PNPLA3: variants seen among roughly 807,000 people sequenced by gnomAD.
PNPLA3 encodes the protein patatin like domain 3, 1-acylglycerol-3-phosphate O-acyltransferase, also known as 1-acylglycerol-3-phosphate O-acyltransferase PNPLA3.
A neutral mutation model predicts 43.1 loss-of-function variants in PNPLA3; 42 were observed. The observed-to-expected ratio is 0.97, with a 90% confidence interval of 0.76 to 1.26. PNPLA3 has a LOEUF of 1.26. Ranked by LOEUF, PNPLA3 falls within the 50% of genes most tolerant of loss-of-function variation. PNPLA3 has a pLI of 0.00. For missense variants in PNPLA3, 647 were observed against 621.4 expected (o/e 1.04, Z -0.44); for synonymous variants, 272 against 253.6 (o/e 1.07, Z -0.69).
intron 3 of PNPLA3, among the ~76,000 whole-genome samples, chr22:43,931,114 G>A (rs1250753508): frequency 6.6e-6 from 1 of 152,080 alleles, no homozygotes; most frequent in South Asian, 2.1e-4. Flanking sequence ...GCAACAAAGC[G>A]AGACTCCGTC....
chr22:43,940,744 G>A (rs576958896), intron 7 of PNPLA3, among the ~76,000 whole-genome samples: 23 of 152,302 alleles, frequency 1.5e-4, no homozygotes, highest in Admixed American at 1.3e-3. Context: ...GGGAGGCAGA[G>A]GTTGTAGTGA....
chr22:43,939,889 T>G (rs1381994965), intron 6 of PNPLA3, 104 bp from the exon 7 acceptor site: 1 of 1,542,142 alleles, frequency 6.5e-7, no homozygotes, highest in Non-Finnish European at 8.9e-7. Flanking sequence ...ACCCTTTGGC[T>G]GCCAGGACGG....
chr22:43,932,863 C>T lies in PNPLA3; in HGVS notation c.487-15C>T, dbSNP rs2049970278. 1 of 1,610,874 alleles carries T rather than the reference C, an allele frequency of 6.2e-7. No individual in the cohort carries two copies. The highest frequency in any genetic ancestry group is 1.1e-5 in the South Asian group (1 of 91,018). ...GCTTCAGACAGTGCCAGTCCTTTTT[C>T]CCCTTCTTTAAAAGCGATATGTGGA... On this transcript the variant is annotated splice_polypyrimidine_tract_variant and intron_variant, in intron 3 of 8. Transcript: ENST00000216180.
At chr22:43,934,403 T>A (rs1311245027) in intron 4 of PNPLA3, among the ~76,000 whole-genome samples, 1 of 143,992 alleles carries the variant, frequency 6.9e-6, no homozygotes, top group Non-Finnish European at 1.5e-5. Flanking sequence ...CGTGGAAGGG[T>A]GACATTCAAG....
In PNPLA3 at chr22:43,946,552, T is replaced by G. The variant is rs570274837; in HGVS notation, c.*170T>G. 8.3e-6 allele frequency: 6 copies of G among 726,414 alleles called. No individual in the cohort carries two copies. The highest frequency in any genetic ancestry group is 3.4e-5 in the African/African-American group (2 of 57,982). The allele number at this position is 726,414 out of a possible 1,614,324, so 45.0% of individuals were successfully genotyped here. A position where few individuals can be genotyped will look rare whatever the true frequency, so the allele number is the denominator to read the frequency against. On this transcript the variant is annotated 3_prime_UTR_variant, in exon 9 of 9. Transcript: ENST00000216180. ...AAGCTAGGAAGCAACCTTTCGCCTGTGCAGCGGTCCAGCACTTAACTCTAA... is the reference window on the plus strand; with the variant it reads ...AAGCTAGGAAGCAACCTTTCGCCTGGGCAGCGGTCCAGCACTTAACTCTAA...
At chr22:43,938,617 G>C (rs2050011258) in intron 6 of PNPLA3, among the ~76,000 whole-genome samples, 1 of 152,230 alleles carries the variant, frequency 6.6e-6, no homozygotes, top group Non-Finnish European at 1.5e-5. Flanking sequence ...TCACTATCAA[G>C]AGAACAGCAC....
Position 43,927,014 on chromosome 22 carries a change from C to A in PNPLA3, c.267C>A (p.Asn89Lys), listed in dbSNP as rs1037534028. The A allele has an allele frequency of 1.5e-5, 25 of 1,614,142 alleles. No homozygotes were observed. In the African/African-American group the frequency reaches 2.9e-4, roughly 19 times the overall value. ...TTGGCATCTTCCATCCATCCTTCAA[C>A]TTAAGCAAGTTCCTCCGACAGGGTC... ...RNIGIFHPSF[N>K]LSKFLRQGLC... Residue 89 changes from asparagine to lysine, a missense_variant, in exon 2 of 9, where the codon AAC becomes AAA. Coordinates refer to ENST00000216180, the MANE Select transcript of PNPLA3 (RefSeq NM_025225.3).
rs369946084 is a variant in PNPLA3, at chr22:43,928,070, A to G, written c.421-754A>G. On this transcript the variant is annotated intron_variant, in intron 2 of 8. Coordinates refer to ENST00000216180, the MANE Select transcript of PNPLA3 (RefSeq NM_025225.3). ...ATCCTCAGGGTCTAGCAGAGAGAAG[A>G]TAATTTGTAATACCAAAACACCATT... Among the ~76,000 whole-genome samples, 4 of 152,358 alleles carry G rather than the reference A, an allele frequency of 2.6e-5. No homozygotes were observed. In the East Asian group the frequency reaches 7.7e-4, roughly 29 times the overall value.
intron 6 of PNPLA3, among the ~76,000 whole-genome samples, chr22:43,938,143 T>A (rs1460961486): frequency 6.6e-6 from 1 of 152,196 alleles, no homozygotes; most frequent in South Asian, 2.1e-4. Flanking sequence ...GAAAAATCGA[T>A]GTTTGTTGTT....
intron 3 of PNPLA3, among the ~76,000 whole-genome samples, chr22:43,929,556 T>C (rs1039546164): frequency 1.3e-5 from 2 of 151,294 alleles, no homozygotes; most frequent in Non-Finnish European, 2.9e-5. Flanking sequence ...GCTTTACTCT[T>C]AGGGGGAACT....
intron 2 of PNPLA3, among the ~76,000 whole-genome samples, chr22:43,928,104 C>A (rs2049937048): frequency 6.6e-6 from 1 of 152,236 alleles, no homozygotes; most frequent in Non-Finnish European, 1.5e-5. Context: ...TTAAATTCAG[C>A]TGATGCTTTC....
At chr22:43,935,237 T>C (rs1028204795) in intron 5 of PNPLA3, among the ~76,000 whole-genome samples, 1 of 152,158 alleles carries the variant, frequency 6.6e-6, no homozygotes, top group Non-Finnish European at 1.5e-5. Flanking sequence ...TCTTTAATAC[T>C]AAAAGTTGGT....
In PNPLA3 at chr22:43,928,850, C is replaced by T. The variant is rs738408; in HGVS notation, c.447C>T (p.Pro149=). 373,151 of 1,606,722 alleles carry T rather than the reference C, an allele frequency of 0.23. 47,854 individuals carry two copies. The highest frequency in any genetic ancestry group is 0.51 in the Admixed American group (30,376 of 59,884). The change falls in exon 3 of 9, where the codon CCC becomes CCT. Residue 149 remains proline (P), a synonymous_variant. Transcript: ENST00000216180. The stretch of plus-strand genomic sequence containing the variant: ...CCTTGGTATGTTCCTGCTTCATCCC[C>T]TTCTACAGTGGCCTTATCCCTCCTT... ...VDALVCSCFI[P]FYSGLIPPSF... is the part of the protein sequence containing the mutation.
At chr22:43,927,546 G>GT (rs2049932524) in intron 2 of PNPLA3, among the ~76,000 whole-genome samples, 2 of 151,670 alleles carry the variant, frequency 1.3e-5, no homozygotes, top group Non-Finnish European at 2.9e-5. Context: ...GCAGTTGTAG[G>GT]CCCCCTGTGC....
chr22:43,946,656 T>G lies in PNPLA3; in HGVS notation c.*274T>G. 1 of 655,162 alleles carries G rather than the reference T, an allele frequency of 1.5e-6. No individual in the cohort carries two copies. The allele number at this position is 655,162 out of a possible 1,614,324, so 40.6% of individuals were successfully genotyped here. ...TGCAGAGGGTCCCTTACTGACTGTTTCGTGGCCCTATTAATGGTCAGACTG... is the reference window on the plus strand; with the variant it reads ...TGCAGAGGGTCCCTTACTGACTGTTGCGTGGCCCTATTAATGGTCAGACTG... On this transcript the variant is annotated 3_prime_UTR_variant, in exon 9 of 9. Transcript: ENST00000216180.
intron 7 of PNPLA3, among the ~76,000 whole-genome samples, chr22:43,941,793 A>C (rs2050032907): frequency 6.6e-6 from 1 of 152,042 alleles, no homozygotes; most frequent in Non-Finnish European, 1.5e-5. Flanking sequence ...ACTTGATTAA[A>C]AAAAAAAAAA....
chr22:43,945,091 G>A (rs2050054401), intron 8 of PNPLA3, among the ~76,000 whole-genome samples: 2 of 152,202 alleles, frequency 1.3e-5, no homozygotes, highest in Non-Finnish European at 2.9e-5. Flanking sequence ...AGCAGGGAAA[G>A]GTGCTTCAGA....
chr22:43,946,265 G>A lies in PNPLA3; in HGVS notation c.1329G>A (p.Glu443=). The change falls in exon 9 of 9, where the codon GAG becomes GAA. Residue 443 remains glutamate, a synonymous_variant. Transcript: ENST00000216180. ...PKGCPAETKA[E]ATPRSILRSS... Reference sequence around the variant, plus strand: ...GCTGTCCAGCAGAGACCAAAGCAGAGGCCACCCCGCGGTCCATCCTCAGGT... The same window carrying A: ...GCTGTCCAGCAGAGACCAAAGCAGAAGCCACCCCGCGGTCCATCCTCAGGT... The A allele has an allele frequency of 6.2e-7, 1 of 1,614,156 alleles. No individual in the cohort carries two copies. The highest frequency in any genetic ancestry group is 1.6e-4 in the Middle Eastern group (1 of 6,062).
intron 3 of PNPLA3, among the ~76,000 whole-genome samples, chr22:43,931,951 C>G (rs1413933810): frequency 6.6e-6 from 1 of 152,180 alleles, no homozygotes; most frequent in Non-Finnish European, 1.5e-5. Context: ...TGTGGCTGAA[C>G]ATGTCTGATT....
Sources: gnomAD v4.1 joint callset for allele counts (sites outside exome capture counted in the v4.1 genomes callset) on GRCh38, gnomAD v4.1.1 for gene constraint, MANE v1.5 for transcripts, NCBI Gene and HGNC (gene_info 2026-07-23, HGNC 2026-07-21) for gene names.